Variants in NUDCD1 observed in about 807,000 individuals in gnomAD.
NUDCD1 encodes NudC domain containing 1.
In NUDCD1, 60 loss-of-function variants were observed where a neutral mutation model predicts 67.8. That is an observed-to-expected ratio of 0.88 (90% CI 0.72 to 1.10). The LOEUF (loss-of-function observed/expected upper bound fraction) is 1.10, where lower values mean the gene tolerates loss of function less well. NUDCD1 is among the 50% of genes least tolerant of loss of function. The pLI is 0.00. For missense variants in NUDCD1, 643 were observed against 695.0 expected (o/e 0.93, Z 0.84); for synonymous variants, 244 against 230.8 (o/e 1.06, Z -0.52).
chr8:109,253,665 G>T (rs1354907702), intron 8 of NUDCD1, among the ~76,000 whole-genome samples: 3 of 152,132 alleles, frequency 2.0e-5, no homozygotes, highest in Non-Finnish European at 4.4e-5. Flanking sequence ...CAAAACGATT[G>T]TACTTCCAGT....
At chr8:109,266,643 T>C (rs1235609149) in intron 8 of NUDCD1, among the ~76,000 whole-genome samples, 1 of 152,156 alleles carries the variant, frequency 6.6e-6, no homozygotes, top group Non-Finnish European at 1.5e-5. Flanking sequence ...CACATTTCAA[T>C]TGCTCAATAG....
At chr8:109,251,910 C>T (rs1813631452) in intron 8 of NUDCD1, among the ~76,000 whole-genome samples, 1 of 152,054 alleles carries the variant, frequency 6.6e-6, no homozygotes, top group Non-Finnish European at 1.5e-5. Context: ...AAATATCCCC[C>T]TAAGCTTTAG....
At chr8:109,287,483 T>C (rs895655180) in intron 5 of NUDCD1, among the ~76,000 whole-genome samples, 2 of 152,062 alleles carry the variant, frequency 1.3e-5, no homozygotes, top group South Asian at 2.1e-4. Flanking sequence ...ATCATGTCCT[T>C]TGCAGCAACA....
intron 2 of NUDCD1, among the ~76,000 whole-genome samples, chr8:109,303,458 C>T (rs754624611): frequency 4.9e-4 from 74 of 152,128 alleles, no homozygotes; most frequent in Non-Finnish European, 1.5e-4. Context: ...TGAGTATTGA[C>T]GGCCAGGCTT....
intron 2 of NUDCD1, among the ~76,000 whole-genome samples, chr8:109,300,824 G>C (rs534892404): frequency 6.6e-6 from 1 of 152,298 alleles, no homozygotes; most frequent in East Asian, 1.9e-4. Flanking sequence ...TAAGGTGAAG[G>C]AAAGAATCTT....
chr8:109,315,885 G>C (rs781294279), intron 2 of NUDCD1: 1 of 152,194 alleles, frequency 6.6e-6, no homozygotes, highest in Non-Finnish European at 1.5e-5. Context: ...CAGGCCTAGA[G>C]ATGAACATAC....
chr8:109,243,970 A>G (rs1025789712), intron 9 of NUDCD1, among the ~76,000 whole-genome samples: 2 of 152,256 alleles, frequency 1.3e-5, no homozygotes, highest in African/African-American at 4.8e-5. Flanking sequence ...ATTCATGTAC[A>G]TGTTTAAAAA....
chr8:109,282,750 G>A (rs1378677897), intron 5 of NUDCD1, among the ~76,000 whole-genome samples: 5 of 151,818 alleles, frequency 3.3e-5, no homozygotes, highest in Admixed American at 3.3e-4. Flanking sequence ...GTTGATGAGT[G>A]CAGCAAATCA....
intron 8 of NUDCD1, among the ~76,000 whole-genome samples, chr8:109,268,881 A>T (rs940235391): frequency 7.2e-5 from 11 of 152,178 alleles, no homozygotes; most frequent in Non-Finnish European, 1.3e-4. Flanking sequence ...CATGTATGGG[A>T]TTATGTCAAA....
chr8:109,296,342 T>A, intron 3 of NUDCD1, 42 bp downstream of exon 3: 3 of 1,500,320 alleles, frequency 2.0e-6, no homozygotes, highest in Non-Finnish European at 2.8e-6. Flanking sequence ...GTAATTTACA[T>A]ATACTTTCTG....
At chr8:109,262,205 G>A (rs1010731409) in intron 8 of NUDCD1, among the ~76,000 whole-genome samples, 3 of 152,154 alleles carry the variant, frequency 2.0e-5, no homozygotes, top group Non-Finnish European at 2.9e-5. Flanking sequence ...TTTTGAAAGC[G>A]GAGATACTGA....
At chr8:109,321,615 G>C (rs77617283) in intron 2 of NUDCD1, among the ~76,000 whole-genome samples, 5,572 of 152,120 alleles carry the variant, frequency 0.037, 165 homozygotes, top group South Asian at 0.067. Context: ...AGAAGAGCAA[G>C]ATGGTAATAT....
At chr8:109,298,272 T>A (rs1034864496) in intron 2 of NUDCD1, among the ~76,000 whole-genome samples, 1 of 152,174 alleles carries the variant, frequency 6.6e-6, no homozygotes, top group Non-Finnish European at 1.5e-5. Flanking sequence ...TGGTCTTCCA[T>A]CAGTATGTTT....
At chr8:109,279,433 T>C (rs1170966767) in intron 6 of NUDCD1, among the ~76,000 whole-genome samples, 3 of 152,172 alleles carry the variant, frequency 2.0e-5, no homozygotes, top group African/African-American at 4.8e-5. Context: ...AATTTGACCA[T>C]TTAAAAAATT....
At position 109,334,084 on chromosome 8, in the gene NUDCD1, G is replaced by T; in HGVS notation, c.-74C>A. On this transcript the variant is annotated 5_prime_UTR_variant, in exon 1 of 10. Coordinates refer to ENST00000239690, the MANE Select transcript of NUDCD1 (RefSeq NM_032869.4). ...GTCCGCGCTTCACGCCTCGCACAGA[G>T]ACTGGGAAGCGGCGTGGTTCCCATC... 6.3e-7 allele frequency: 1 copy of T among 1,598,400 alleles called. No homozygotes were observed. Among genetic ancestry groups the T allele is most frequent in the Non-Finnish European group, 8.5e-7 (1 of 1,171,440 alleles).
At chr8:109,292,271 A>T (rs951034265) in intron 4 of NUDCD1, among the ~76,000 whole-genome samples, 9 of 152,126 alleles carry the variant, frequency 5.9e-5, no homozygotes, top group African/African-American at 2.2e-4. Flanking sequence ...ATTTCAAAAA[A>T]GTTTTCTAAT....
rs185676682 is a variant in NUDCD1 at position 109,270,337 on chromosome 8, A to C, written c.1299+668T>G. On this transcript the variant is annotated intron_variant, in intron 8 of 9. Coordinates refer to ENST00000239690, the MANE Select transcript of NUDCD1 (RefSeq NM_032869.4). Reference sequence around the variant, plus strand: ...ATAAAATAACTTGACAGTAAAAAAAAAAAAGATTGGCACAAGTTTATTCTA... The same window carrying C: ...ATAAAATAACTTGACAGTAAAAAAACAAAAGATTGGCACAAGTTTATTCTA... 3.0e-3 allele frequency among the ~76,000 whole-genome samples: 451 copies of C among 152,250 alleles called. 2 individuals are homozygous for C. The highest frequency in any genetic ancestry group is 0.01 in the Middle Eastern group (3 of 294).
chr8:109,322,636 G>A (rs1281152019), intron 1 of NUDCD1, among the ~76,000 whole-genome samples, 173 bp from the exon 2 acceptor site: 1 of 152,084 alleles, frequency 6.6e-6, no homozygotes, highest in Non-Finnish European at 1.5e-5. Flanking sequence ...TGTGTACAGA[G>A]GATAAACAGT....
chr8:109,275,486 A>C lies in NUDCD1; in HGVS notation c.1039T>G (p.Ser347Ala). The C allele has an allele frequency of 6.2e-7, 1 of 1,610,736 alleles. No homozygotes were observed. The highest frequency in any genetic ancestry group is 1.3e-5 in the African/African-American group (1 of 74,894). The change falls in exon 7 of 10, where the codon TCC becomes GCC. Residue 347 changes from serine (S) to alanine (A), a missense_variant. Coordinates refer to ENST00000239690, the MANE Select transcript of NUDCD1 (RefSeq NM_032869.4). The part of the protein sequence containing the change: ...IIKESNSLEI[S>A]LIKKNEGLTW... ...AGTCCTTCATTCTTCTTAATCAAGG[A>C]AATCTCCAAGCTAGAAGTTTAAATG...
Sources: gnomAD v4.1 joint callset for allele counts (sites outside exome capture counted in the v4.1 genomes callset) on GRCh38, gnomAD v4.1.1 for gene constraint, MANE v1.5 for transcripts, NCBI Gene and HGNC (gene_info 2026-07-23, HGNC 2026-07-21) for gene names.